Variants in ABRAXAS2 observed in about 807,000 individuals in gnomAD.
The protein encoded by ABRAXAS2 is BRISC complex subunit Abraxas 2.
In ABRAXAS2, 23 loss-of-function variants were observed where a neutral mutation model predicts 49.0. The ratio of observed to expected loss-of-function variants is 0.47; its 90% confidence interval spans 0.34 to 0.66. The LOEUF (loss-of-function observed/expected upper bound fraction) is 0.66, where lower values mean the gene tolerates loss of function less well. ABRAXAS2 is among the 30% of genes least tolerant of loss of function. The pLI, the probability that ABRAXAS2 is intolerant of heterozygous loss-of-function variation, is 0.01. For synonymous variants in ABRAXAS2, 168 were observed against 180.2 expected (o/e 0.93, Z 0.54); for missense variants, 443 against 511.9 (o/e 0.87, Z 1.30).
At chr10:124,809,472 AC>A (rs1471522868) in intron 2 of ABRAXAS2, among the ~76,000 whole-genome samples, 1 of 60,398 alleles carries the variant, frequency 1.7e-5, no homozygotes, top group African/African-American at 5.6e-5. Flanking sequence ...TTTAGTAGAG[AC>A]GGGGGTTTCT....
chr10:124,822,559 G>A lies in ABRAXAS2; in HGVS notation c.267+3109G>A, dbSNP rs373292452. On this transcript the variant is annotated intron_variant, in intron 4 of 8. Coordinates refer to ENST00000298492, the MANE Select transcript of ABRAXAS2 (RefSeq NM_032182.4). ...TGTAATCCCAGCACTTTGGGAGGCCGAGGCAGATGGATCACCTGAGGTCAG... is the reference window on the plus strand; with the variant it reads ...TGTAATCCCAGCACTTTGGGAGGCCAAGGCAGATGGATCACCTGAGGTCAG... Among the ~76,000 whole-genome samples, 15 of 152,134 alleles carry A rather than the reference G, an allele frequency of 9.9e-5. No individual in the cohort carries two copies. In the South Asian group the frequency reaches 1.7e-3, roughly 17 times the overall value.
At position 124,826,788 on chromosome 10, in the gene ABRAXAS2, A is replaced by G; in HGVS notation, c.458+3A>G. 1 of 1,613,380 alleles carries G rather than the reference A, an allele frequency of 6.2e-7. No homozygotes were observed. On this transcript the variant is annotated splice_donor_region_variant and intron_variant, in intron 5 of 8. Transcript: ENST00000298492. ...GTGCTCTTCAGACCAAATAGAAGGT[A>G]AAGCTTGCTTTTCCATCTGCCTCAC...
At chr10:124,821,804 A>G (rs1950863001) in intron 4 of ABRAXAS2, among the ~76,000 whole-genome samples, 1 of 152,192 alleles carries the variant, frequency 6.6e-6, no homozygotes, top group Non-Finnish European at 1.5e-5. Flanking sequence ...GCAATCACCG[A>G]AAGAATTTTG....
intron 2 of ABRAXAS2, among the ~76,000 whole-genome samples, chr10:124,814,042 A>T (rs1024290385): frequency 6.6e-6 from 1 of 152,152 alleles, no homozygotes; most frequent in African/African-American, 2.4e-5. Flanking sequence ...CCCAGGCTGG[A>T]GTGCAATGGC....
At chr10:124,818,514 G>A in intron 3 of ABRAXAS2, among the ~76,000 whole-genome samples, 1 of 152,164 alleles carries the variant, frequency 6.6e-6, no homozygotes. Flanking sequence ...ACCAGGTGGA[G>A]TGACTTGCCC....
intron 4 of ABRAXAS2, 92 bp from the exon 5 acceptor site, chr10:124,826,503 C>A: frequency 7.8e-7 from 1 of 1,279,022 alleles, no homozygotes; most frequent in Non-Finnish European, 1.1e-6. Context: ...GCACATAAAG[C>A]TACTATGAAC....
At chr10:124,812,942 C>T (rs1488384364) in intron 2 of ABRAXAS2, among the ~76,000 whole-genome samples, 3 of 152,172 alleles carry the variant, frequency 2.0e-5, no homozygotes, top group Admixed American at 2.0e-4. Context: ...TGGCTCATGC[C>T]TGTAATCCCA....
chr10:124,816,784 A>G (rs1416381643), intron 3 of ABRAXAS2, among the ~76,000 whole-genome samples, 172 bp downstream of exon 3: 1 of 152,148 alleles, frequency 6.6e-6, no homozygotes, highest in Non-Finnish European at 1.5e-5. Context: ...AAGGGAAGGG[A>G]AGAGTGTCAA....
At chr10:124,826,853 C>G in intron 5 of ABRAXAS2, 68 bp downstream of exon 5, 1 of 1,466,650 alleles carries the variant, frequency 6.8e-7, no homozygotes, top group Non-Finnish European at 9.4e-7. Flanking sequence ...GTGGCTTACG[C>G]CTGTAATCCC....
chr10:124,801,925 GC>G (rs1950707550), intron 1 of ABRAXAS2, 24 bp downstream of exon 1: 1 of 1,606,428 alleles, frequency 6.2e-7, no homozygotes, highest in Non-Finnish European at 8.5e-7. Context: ...CCCCTGCCGC[GC>G]CCGCTGGGGG....
intron 8 of ABRAXAS2, among the ~76,000 whole-genome samples, chr10:124,833,071 A>T (rs1950944136): frequency 6.9e-6 from 1 of 144,302 alleles, no homozygotes; most frequent in South Asian, 2.4e-4. Flanking sequence ...GTTTGAACCC[A>T]GGAGGCAGAG....
intron 4 of ABRAXAS2, among the ~76,000 whole-genome samples, chr10:124,823,842 T>G (rs1406228996): frequency 6.6e-6 from 1 of 152,240 alleles, no homozygotes; most frequent in Non-Finnish European, 1.5e-5. Context: ...AAAGGTAGAA[T>G]CAAAGATATC....
chr10:124,814,061 G>A (rs982680871), intron 2 of ABRAXAS2, among the ~76,000 whole-genome samples: 1 of 152,070 alleles, frequency 6.6e-6, no homozygotes, highest in Admixed American at 6.6e-5. Context: ...GCACAATCTT[G>A]ACTCACTGCA....
In ABRAXAS2 at chr10:124,804,717, CTTTTTT is replaced by C. The variant is rs72458712; in HGVS notation, c.73-2105_73-2100del. On this transcript the variant is annotated intron_variant, in intron 1 of 8. Transcript: ENST00000298492. ...AATATATATATTTCTTTTTTTCTTT[CTTTTTT>C]TTTTTTTTGAGACAGAGTCTTGCTC... Among the ~76,000 whole-genome samples, 115 of 131,346 alleles carry C rather than the reference CTTTTTT, an allele frequency of 8.8e-4. 3 individuals are homozygous for C. The highest frequency in any genetic ancestry group is 4.0e-3 in the Middle Eastern group (1 of 250). 86.2% of individuals were successfully genotyped at this position (131,346 alleles called of 152,430 possible). A position where few individuals can be genotyped will look rare whatever the true frequency, so the allele number is the denominator to read the frequency against.
rs368401829 is a variant in ABRAXAS2 at position 124,809,404 on chromosome 10, C to A, written c.163+2483C>A. Among the ~76,000 whole-genome samples, 48 of 152,098 alleles carry A rather than the reference C, an allele frequency of 3.2e-4. 1 individual carries two copies. Among genetic ancestry groups the A allele is most frequent in the East Asian group, 2.5e-3 (13 of 5,104 alleles). Reference sequence around the variant, plus strand: ...GGTTCAAGCGATTCTCCTGCCTCAGCCTCCCGAGTAGCTGGGATTACAGGT... The same window carrying A: ...GGTTCAAGCGATTCTCCTGCCTCAGACTCCCGAGTAGCTGGGATTACAGGT... On this transcript the variant is annotated intron_variant, in intron 2 of 8. Transcript: ENST00000298492.
At position 124,835,016 on chromosome 10, in the gene ABRAXAS2, C is replaced by A. The variant is rs761398595; in HGVS notation, c.*45C>A. 7.2e-5 allele frequency: 105 copies of A among 1,449,896 alleles called. 1 individual carries two copies. In the Middle Eastern group the frequency reaches 1.0e-3, roughly 14 times the overall value. The allele number at this position is 1,449,896 out of a possible 1,614,324, so 89.8% of individuals were successfully genotyped here. On this transcript the variant is annotated 3_prime_UTR_variant, in exon 9 of 9. Transcript: ENST00000298492. Reference sequence around the variant, plus strand: ...CACCTAGCACTGTTTTTCTTCATTGCTTACTGAGAGGGTTTTTGAGAACTT... The same window carrying A: ...CACCTAGCACTGTTTTTCTTCATTGATTACTGAGAGGGTTTTTGAGAACTT...
At chr10:124,811,416 T>C (rs1377415972) in intron 2 of ABRAXAS2, among the ~76,000 whole-genome samples, 1 of 151,824 alleles carries the variant, frequency 6.6e-6, no homozygotes, top group African/African-American at 2.4e-5. Context: ...TTCTGATTAA[T>C]ACTCTGGCTG....
chr10:124,806,345 T>C (rs1219396483), intron 1 of ABRAXAS2, among the ~76,000 whole-genome samples: 1 of 151,850 alleles, frequency 6.6e-6, no homozygotes, highest in Non-Finnish European at 1.5e-5. Flanking sequence ...AAAAGGTTCA[T>C]GTGGATGATA....
intron 2 of ABRAXAS2, among the ~76,000 whole-genome samples, chr10:124,808,914 C>T (rs1474925221): frequency 4.6e-5 from 7 of 151,976 alleles, no homozygotes; most frequent in African/African-American, 1.2e-4. Context: ...GCGGATCGCC[C>T]GAGGTTGGGA....
Sources: gnomAD v4.1 joint callset for allele counts (sites outside exome capture counted in the v4.1 genomes callset) on GRCh38, gnomAD v4.1.1 for gene constraint, MANE v1.5 for transcripts, NCBI Gene and HGNC (gene_info 2026-07-23, HGNC 2026-07-21) for gene names.